ATP5F1C: variants seen among roughly 807,000 people sequenced by gnomAD.
ATP5F1C encodes ATP synthase F1 subunit gamma.
Under a neutral mutation model 37.4 loss-of-function variants are expected in ATP5F1C, and 22 were observed. The ratio of observed to expected loss-of-function variants is 0.59; its 90% confidence interval spans 0.42 to 0.84. The LOEUF is 0.84. Among genes scored for constraint, ATP5F1C ranks in the 40% least tolerant of loss-of-function variants. The pLI is 0.00. For missense variants in ATP5F1C, 286 were observed against 362.4 expected (o/e 0.79, Z 1.71); for synonymous variants, 121 against 128.0 (o/e 0.95, Z 0.37).
chr10:7,797,546 C>A (rs1036768862), intron 3 of ATP5F1C, among the ~76,000 whole-genome samples: 2 of 152,106 alleles, frequency 1.3e-5, no homozygotes, highest in African/African-American at 4.8e-5. Flanking sequence ...CTGAAATGTT[C>A]CCAGTTGTTA....
Position 7,799,772 on chromosome 10 carries a change from G to T in ATP5F1C, c.429G>T (p.Arg143Ser), listed in dbSNP as rs1298904691. 1 of 1,613,690 alleles carries T rather than the reference G, an allele frequency of 6.2e-7. No homozygotes were observed. Among genetic ancestry groups the T allele is most frequent in the East Asian group, 2.2e-5 (1 of 44,884 alleles). Residue 143 changes from arginine (R) to serine (S), a missense_variant and splice_region_variant, in exon 5 of 10, where the codon AGG becomes AGT. Coordinates refer to ENST00000356708, the MANE Select transcript of ATP5F1C (RefSeq NM_001001973.3). ...IGDKIRGILY[R>S]THSDQFLVAF... ...ATGTGAGCTCTTGCTTTTCTTATAG[G>T]ACTCATTCTGACCAGTTTCTGGTGG...
intron 9 of ATP5F1C, among the ~76,000 whole-genome samples, 161 bp from the exon 10 acceptor site, chr10:7,807,498 G>T (rs1363470404): frequency 6.6e-6 from 1 of 152,164 alleles, no homozygotes; most frequent in African/African-American, 2.4e-5. Flanking sequence ...CCCATGAAAG[G>T]TTCCCCAGAC....
intron 1 of ATP5F1C, among the ~76,000 whole-genome samples, chr10:7,795,484 T>C (rs1327430911): frequency 6.6e-6 from 1 of 152,192 alleles, no homozygotes; most frequent in East Asian, 1.9e-4. Flanking sequence ...CACATTAGCA[T>C]TTCAATTTTA....
At chr10:7,798,923 A>G (rs1454283232) in intron 3 of ATP5F1C, 67 bp from the exon 4 acceptor site, 1 of 1,444,624 alleles carries the variant, frequency 6.9e-7, no homozygotes, top group Non-Finnish European at 9.6e-7. Context: ...ACTGCTTTGT[A>G]AATTAGAGAT....
Position 7,796,302 on chromosome 10 carries a change from G to C in ATP5F1C, c.91+147G>C. 3 of 645,094 alleles carry C rather than the reference G, an allele frequency of 4.7e-6. No individual in the cohort carries two copies. The South Asian group carries it at 7.3e-5, about 16-fold the overall frequency. 40.0% of individuals were successfully genotyped at this position (645,094 alleles called of 1,614,324 possible). A position where few individuals can be genotyped will look rare whatever the true frequency, so the allele number is the denominator to read the frequency against. On this transcript the variant is annotated intron_variant, in intron 2 of 9. Transcript: ENST00000356708. ...TTTCCATTGTATGTTTGGGACATTG[G>C]ACTTGTTCTGAAAAGACCAGTAAGA...
intron 6 of ATP5F1C, among the ~76,000 whole-genome samples, 195 bp from the exon 7 acceptor site, chr10:7,802,075 C>A (rs1836376455): frequency 6.6e-6 from 1 of 152,154 alleles, no homozygotes; most frequent in Non-Finnish European, 1.5e-5. Context: ...TTTATTTACA[C>A]ATTATATTTT....
intron 1 of ATP5F1C, among the ~76,000 whole-genome samples, chr10:7,795,612 T>A (rs886825995): frequency 2.6e-5 from 4 of 152,226 alleles, no homozygotes; most frequent in African/African-American, 9.6e-5. Context: ...ATTTAGAGCA[T>A]CTTGGTAAAT....
At chr10:7,805,473 C>T (rs1040893629) in intron 8 of ATP5F1C, among the ~76,000 whole-genome samples, 10 of 151,910 alleles carry the variant, frequency 6.6e-5, no homozygotes, top group Admixed American at 5.2e-4. Context: ...CCTGGCCGGG[C>T]GCAGGGGCTG....
chr10:7,788,457 C>G (rs1564329008), intron 1 of ATP5F1C, among the ~76,000 whole-genome samples, 194 bp downstream of exon 1: 2 of 152,220 alleles, frequency 1.3e-5, no homozygotes, highest in South Asian at 4.1e-4. Context: ...TGCGCAGGGC[C>G]GGGCTCCGGC....
chr10:7,800,154 G>C (rs1288232982), intron 6 of ATP5F1C, 63 bp downstream of exon 6: 1 of 1,457,506 alleles, frequency 6.9e-7, no homozygotes, highest in Non-Finnish European at 9.6e-7. Flanking sequence ...TGTACACTAA[G>C]GCAGACAGTG....
chr10:7,806,549 C>T lies in ATP5F1C; in HGVS notation c.891-425C>T, dbSNP rs35659712. Among the ~76,000 whole-genome samples, 845 of 151,432 alleles carry T rather than the reference C, an allele frequency of 5.6e-3. 8 individuals are homozygous for T. The highest frequency in any genetic ancestry group is 0.024 in the South Asian group (115 of 4,792). On this transcript the variant is annotated intron_variant, in intron 8 of 9. Coordinates refer to ENST00000356708, the MANE Select transcript of ATP5F1C (RefSeq NM_001001973.3). ...GCGGGCACCTGTAATCCCAGCTACT[C>T]GGGAGGCTGAGGCAGGAGAATGACT...
intron 5 of ATP5F1C, 23 bp downstream of exon 5, chr10:7,799,938 A>C: frequency 6.2e-7 from 1 of 1,606,406 alleles, no homozygotes; most frequent in Non-Finnish European, 8.5e-7. Flanking sequence ...TAGAAATCAA[A>C]GCTTTTTTAT....
At chr10:7,795,032 T>G (rs1280910031) in intron 1 of ATP5F1C, among the ~76,000 whole-genome samples, 1 of 152,240 alleles carries the variant, frequency 6.6e-6, no homozygotes, top group Non-Finnish European at 1.5e-5. Context: ...TTTACGCTTG[T>G]CACTGCCATG....
At chr10:7,791,771 G>C (rs1331353420) in intron 1 of ATP5F1C, among the ~76,000 whole-genome samples, 3 of 152,134 alleles carry the variant, frequency 2.0e-5, no homozygotes, top group Non-Finnish European at 4.4e-5. Flanking sequence ...TACTCAAATT[G>C]TACCTAACAA....
intron 1 of ATP5F1C, among the ~76,000 whole-genome samples, chr10:7,794,500 GTTT>G (rs56239627): frequency 1.6e-4 from 23 of 146,644 alleles, no homozygotes; most frequent in South Asian, 1.3e-3. Flanking sequence ...TTTGTGTGTT[GTTT>G]TTTTTTTTTT....
At chr10:7,802,663 ATTTCTT>A in intron 7 of ATP5F1C, 89 bp from the exon 8 acceptor site, 1 of 1,371,440 alleles carries the variant, frequency 7.3e-7, no homozygotes, top group Non-Finnish European at 9.9e-7. Context: ...GTATCCAAAA[ATTTCTT>A]ACTTTTAAAT....
Position 7,796,138 on chromosome 10 carries a change from T to A in ATP5F1C, c.74T>A (p.Met25Lys). The change falls in exon 2 of 10, where the codon ATG becomes AAG. Residue 25 changes from methionine (M) to lysine (K), a missense_variant. Transcript: ENST00000356708. The stretch of plus-strand genomic sequence containing the variant: ...ATCCTCAGGATTCAAGTTCGAAATA[T>A]GGCAACTTTGAAAGATAGTAAGTAT... ...LQPQWIQVRN[M>K]ATLKDITRRL... The A allele has an allele frequency of 6.3e-7, 1 of 1,588,962 alleles. No individual in the cohort carries two copies. Among genetic ancestry groups the A allele is most frequent in the Non-Finnish European group, 8.5e-7 (1 of 1,172,178 alleles).
At chr10:7,807,541 C>G (rs1036965598) in intron 9 of ATP5F1C, 118 bp from the exon 10 acceptor site, 13 of 1,261,046 alleles carry the variant, frequency 1.0e-5, no homozygotes, top group Admixed American at 2.3e-5. Context: ...TAGGGTAACA[C>G]TTTATTGTGT....
At chr10:7,788,566 C>T (rs781593673) in intron 1 of ATP5F1C, among the ~76,000 whole-genome samples, 121 of 152,324 alleles carry the variant, frequency 7.9e-4, no homozygotes, top group Non-Finnish European at 1.6e-3. Context: ...TCTTGAGTTC[C>T]CTCAGCTAAT....
Sources: gnomAD v4.1 joint callset for allele counts (sites outside exome capture counted in the v4.1 genomes callset) on GRCh38, gnomAD v4.1.1 for gene constraint, MANE v1.5 for transcripts, NCBI Gene and HGNC (gene_info 2026-07-23, HGNC 2026-07-21) for gene names.